The following RFTN2 variants were observed in gnomAD, a reference collection of about 807,000 sequenced individuals.
RFTN2 encodes the protein raftlin-2.
A neutral mutation model predicts 52.7 loss-of-function variants in RFTN2; 34 were observed. The ratio of observed to expected loss-of-function variants is 0.64; its 90% CI spans 0.49 to 0.86. The LOEUF is 0.86. Among genes scored for constraint, RFTN2 ranks in the 40% least tolerant of loss-of-function variants. The pLI is 0.00. For missense variants in RFTN2, 536 were observed against 600.1 expected, an observed-to-expected ratio of 0.89 and a Z score of 1.12; for synonymous variants, 203 against 217.7, an observed-to-expected ratio of 0.93 and a Z score of 0.59.
rs558687725 is a variant in RFTN2 at position 197,591,748 on chromosome 2, GA to G, written c.1233+4242del. 4.9e-4 allele frequency among the ~76,000 whole-genome samples: 74 copies of G among 152,312 alleles called. No individual in the cohort carries two copies. In the South Asian group the frequency reaches 5.6e-3, roughly 12 times the overall value. The stretch of plus-strand genomic sequence containing the variant: ...CGGTGAAAAATCGAGGGCAGTGTGG[GA>G]GGGCTGGCACTGCTGTGGGACCCGG... On this transcript the variant is annotated intron_variant, in intron 8 of 8. Coordinates refer to ENST00000295049, the MANE Select transcript of RFTN2 (RefSeq NM_144629.3).
intron 8 of RFTN2, chr2:197,587,977 G>A (rs2087628595): frequency 4.2e-6 from 2 of 470,634 alleles, no homozygotes; most frequent in South Asian, 3.1e-5. Context: ...CGGAACTGTA[G>A]CCCAAGTCTC....
At chr2:197,589,625 C>A (rs966073514) in intron 8 of RFTN2, among the ~76,000 whole-genome samples, 2 of 152,156 alleles carry the variant, frequency 1.3e-5, no homozygotes, top group Non-Finnish European at 2.9e-5. Flanking sequence ...ATTTAAGCAT[C>A]TTTTCATGTA....
At chr2:197,605,602 ATTGCT>A (rs967477991) in intron 7 of RFTN2, among the ~76,000 whole-genome samples, 28 of 152,158 alleles carry the variant, frequency 1.8e-4, no homozygotes, top group Non-Finnish European at 8.8e-5. Context: ...CTTTTCTGAC[ATTGCT>A]TTGCTTAAGG....
chr2:197,632,831 C>G (rs1025277664), intron 4 of RFTN2, among the ~76,000 whole-genome samples: 3 of 152,150 alleles, frequency 2.0e-5, no homozygotes, highest in Non-Finnish European at 1.5e-5. Flanking sequence ...AAGCCTGACA[C>G]CAAGGCGTGC....
intron 5 of RFTN2, among the ~76,000 whole-genome samples, chr2:197,624,597 C>CA (rs746144794): frequency 0.011 from 641 of 57,584 alleles, 7 homozygotes; most frequent in African/African-American, 0.015. Flanking sequence ...GACTCTGTCT[C>CA]AAAAAAAAAA....
At chr2:197,624,459 G>T (rs1045583607) in intron 5 of RFTN2, among the ~76,000 whole-genome samples, 3 of 151,760 alleles carry the variant, frequency 2.0e-5, no homozygotes, top group Non-Finnish European at 4.4e-5. Context: ...TTAGCCGGGC[G>T]TGGTGGCGTG....
At chr2:197,608,446 G>A (rs1327721992) in intron 7 of RFTN2, among the ~76,000 whole-genome samples, 2 of 151,668 alleles carry the variant, frequency 1.3e-5, no homozygotes, top group African/African-American at 4.9e-5. Context: ...TGGGTAGCTG[G>A]AACTACAGGT....
intron 3 of RFTN2, among the ~76,000 whole-genome samples, chr2:197,640,320 G>A (rs1295980337): frequency 6.6e-6 from 1 of 152,128 alleles, no homozygotes; most frequent in Non-Finnish European, 1.5e-5. Context: ...AATGGCGGGC[G>A]CCCCTCCCCC....
chr2:197,634,805 A>G (rs2088534798), intron 3 of RFTN2, among the ~76,000 whole-genome samples: 1 of 151,700 alleles, frequency 6.6e-6, no homozygotes. Flanking sequence ...TTACATATGT[A>G]TACATGTGAC....
intron 8 of RFTN2, chr2:197,587,952 C>T (rs1242266428): frequency 2.6e-5 from 12 of 469,696 alleles, no homozygotes; most frequent in South Asian, 1.9e-4. Context: ...TGTCCAAGGT[C>T]ATGAATAGCT....
At chr2:197,592,096 G>A (rs528457241) in intron 8 of RFTN2, among the ~76,000 whole-genome samples, 5 of 152,322 alleles carry the variant, frequency 3.3e-5, no homozygotes, top group Admixed American at 6.5e-5. Flanking sequence ...GGGCTGCGAG[G>A]GTTGCCAGCA....
At chr2:197,609,115 G>A (rs1390580311) in intron 7 of RFTN2, among the ~76,000 whole-genome samples, 1 of 152,164 alleles carries the variant, frequency 6.6e-6, no homozygotes, top group Non-Finnish European at 1.5e-5. Flanking sequence ...TGTCTTTATA[G>A]TAGTATGATT....
chr2:197,587,801 A>T (rs575129806), intron 8 of RFTN2, among the ~76,000 whole-genome samples: 85 of 152,334 alleles, frequency 5.6e-4, no homozygotes, highest in African/African-American at 1.9e-3. Context: ...ATTAAATAAT[A>T]ACATTTCCAA....
intron 1 of RFTN2, among the ~76,000 whole-genome samples, chr2:197,671,632 A>G (rs748275434): frequency 2.4e-4 from 37 of 152,190 alleles, no homozygotes; most frequent in Non-Finnish European, 4.6e-4. Flanking sequence ...TATATTTCCA[A>G]TGCTAATCAG....
chr2:197,620,385 C>T (rs979182946), intron 5 of RFTN2, among the ~76,000 whole-genome samples: 1 of 152,146 alleles, frequency 6.6e-6, no homozygotes, highest in Non-Finnish European at 1.5e-5. Context: ...AGACATTTTT[C>T]CCATGGTCAT....
intron 5 of RFTN2, among the ~76,000 whole-genome samples, chr2:197,618,863 TGAG>T (rs1330983483): frequency 6.7e-6 from 1 of 149,088 alleles, no homozygotes; most frequent in African/African-American, 2.5e-5. Flanking sequence ...CCGCCCCGTC[TGAG>T]AAGTGAGGAG....
At chr2:197,594,972 C>T (rs771517306) in intron 8 of RFTN2, among the ~76,000 whole-genome samples, 37 of 152,116 alleles carry the variant, frequency 2.4e-4, no homozygotes, top group Non-Finnish European at 3.4e-4. Flanking sequence ...CATAAAACAA[C>T]GTTTTCTTGA....
chr2:197,631,041 CAATT>C lies in RFTN2; in HGVS notation c.894_897del (p.Asp300LeufsTer42), dbSNP rs774273242. On this transcript the variant is annotated frameshift_variant, in exon 5 of 9. Transcript: ENST00000295049. LOFTEE classifies it high-confidence loss of function. ...GATGTTTCCCAGAATACAAAAGAATCAATTAAAGACAAGCCTTGTTTATAATAAA... is the reference window on the plus strand; with the variant it reads ...GATGTTTCCCAGAATACAAAAGAATCAAAGACAAGCCTTGTTTATAATAAA... 3 of 1,610,898 alleles carry C rather than the reference CAATT, an allele frequency of 1.9e-6. No homozygotes were observed. Among genetic ancestry groups the C allele is most frequent in the Non-Finnish European group, 2.5e-6 (3 of 1,177,588 alleles).
intron 3 of RFTN2, among the ~76,000 whole-genome samples, chr2:197,639,342 C>G (rs1271426193): frequency 1.3e-5 from 2 of 151,328 alleles, no homozygotes; most frequent in African/African-American, 4.9e-5. Flanking sequence ...TGTTTTCCAA[C>G]TTGGTTCCAT....
Sources: gnomAD v4.1 joint callset for allele counts (sites outside exome capture counted in the v4.1 genomes callset) on GRCh38, gnomAD v4.1.1 for gene constraint, MANE v1.5 for transcripts, NCBI Gene and HGNC (gene_info 2026-07-23, HGNC 2026-07-21) for gene names.